Variants in SWT1 observed in about 807,000 individuals in gnomAD.
SWT1 encodes the protein transcriptional protein SWT1.
A neutral mutation model predicts 107.3 loss-of-function variants in SWT1; 33 were observed. The ratio of observed to expected loss-of-function variants is 0.31; its 90% CI spans 0.23 to 0.41. The LOEUF is 0.41. SWT1 is among the 10% of genes least tolerant of loss of function. The pLI is 1.00. For missense variants in SWT1, 898 were observed against 1,028.9 expected, an observed-to-expected ratio of 0.87 and a Z score of 1.74; for synonymous variants, 345 against 348.3, an observed-to-expected ratio of 0.99 and a Z score of 0.11.
chr1:185,282,040 TAGTC>T (rs2102772222), intron 18 of SWT1, among the ~76,000 whole-genome samples: 1 of 152,290 alleles, frequency 6.6e-6, no homozygotes, highest in Non-Finnish European at 1.5e-5. Context: ...GAGGATGTAA[TAGTC>T]AGCTCTGGCT....
intron 16 of SWT1, among the ~76,000 whole-genome samples, chr1:185,252,068 G>A (rs1385883222): frequency 6.6e-6 from 1 of 152,022 alleles, no homozygotes; most frequent in African/African-American, 2.4e-5. Context: ...TCTTGCGATA[G>A]TTTACTGAGA....
chr1:185,234,270 A>G (rs1008306667), intron 16 of SWT1, among the ~76,000 whole-genome samples: 1 of 152,162 alleles, frequency 6.6e-6, no homozygotes, highest in Non-Finnish European at 1.5e-5. Flanking sequence ...GTAGGTCTCT[A>G]AGAACTTGCT....
chr1:185,229,018 A>G (rs767916658), intron 15 of SWT1, among the ~76,000 whole-genome samples: 2 of 152,190 alleles, frequency 1.3e-5, no homozygotes, highest in African/African-American at 2.4e-5. Context: ...AAGCCATTGT[A>G]AGAATTTAGG....
At chr1:185,261,502 T>G (rs540042430) in intron 16 of SWT1, among the ~76,000 whole-genome samples, 3 of 152,128 alleles carry the variant, frequency 2.0e-5, no homozygotes, top group Non-Finnish European at 4.4e-5. Flanking sequence ...GCTTTTAATT[T>G]TTTAGGTGTA....
At chr1:185,227,285 C>T in intron 15 of SWT1, 2 of 751,064 alleles carry the variant, frequency 2.7e-6, no homozygotes, top group Admixed American at 1.7e-5. Context: ...AGGCACCTGG[C>T]TGACCATCGG....
intron 14 of SWT1, among the ~76,000 whole-genome samples, 144 bp from the exon 15 acceptor site, chr1:185,221,693 TGATGCTTTTCTG>T (rs1392740550): frequency 6.6e-6 from 1 of 152,216 alleles, no homozygotes; most frequent in Non-Finnish European, 1.5e-5. Flanking sequence ...TTTCTAGCTC[TGATGCTTTTCTG>T]GGAATATTAT....
intron 15 of SWT1, among the ~76,000 whole-genome samples, chr1:185,223,477 G>A (rs920159297): frequency 6.6e-6 from 1 of 152,042 alleles, no homozygotes; most frequent in Non-Finnish European, 1.5e-5. Context: ...CACCGCACCT[G>A]GCCAACACTT....
At chr1:185,269,535 ATG>A (rs1663697554) in intron 16 of SWT1, among the ~76,000 whole-genome samples, 1 of 152,146 alleles carries the variant, frequency 6.6e-6, no homozygotes, top group Non-Finnish European at 1.5e-5. Flanking sequence ...AAAACTATTT[ATG>A]AAAGCTCTCC....
intron 17 of SWT1, 90 bp downstream of exon 17, chr1:185,271,479 G>T: frequency 4.5e-6 from 3 of 664,846 alleles, no homozygotes; most frequent in South Asian, 3.6e-5. Flanking sequence ...CAAACATAGT[G>T]GAATGCTATT....
At chr1:185,175,245 CAG>C (rs1318636032) in intron 5 of SWT1, 132 bp downstream of exon 5, 5 of 816,692 alleles carry the variant, frequency 6.1e-6, no homozygotes, top group Non-Finnish European at 5.2e-6. Context: ...GTTTTTGAGA[CAG>C]GGTCTCACTC....
chr1:185,262,276 A>G lies in SWT1; in HGVS notation c.2442-9047A>G, dbSNP rs1236166538. The G allele has an allele frequency of 2.6e-5, 4 of 152,200 alleles. No individual in the cohort carries two copies. In the East Asian group the frequency reaches 7.7e-4, roughly 29 times the overall value. The allele number at this position is 152,200 out of a possible 1,614,324, so 9.4% of individuals were successfully genotyped here. A position where few individuals can be genotyped will look rare whatever the true frequency, so the allele number is the denominator to read the frequency against. On this transcript the variant is annotated intron_variant, in intron 16 of 18. Transcript: ENST00000367500. ...TCACAGGAGCCTCACTAAGTAGAAAAATGAACCCGTTTGTCATACTTGTTT... is the reference window on the plus strand; with the variant it reads ...TCACAGGAGCCTCACTAAGTAGAAAGATGAACCCGTTTGTCATACTTGTTT...
At chr1:185,206,524 A>T in intron 12 of SWT1, 101 bp from the exon 13 acceptor site, 2 of 605,298 alleles carry the variant, frequency 3.3e-6, no homozygotes, top group Non-Finnish European at 5.2e-6. Flanking sequence ...CCAACTAATT[A>T]TATTTTGCTC....
intron 17 of SWT1, among the ~76,000 whole-genome samples, chr1:185,274,238 G>A (rs1664083680): frequency 6.7e-6 from 1 of 148,372 alleles, no homozygotes; most frequent in Non-Finnish European, 1.5e-5. Flanking sequence ...AGAATCATAT[G>A]TTGTATATAT....
intron 6 of SWT1, 102 bp downstream of exon 6, chr1:185,180,552 TAAC>T (rs1655937511): frequency 6.2e-6 from 5 of 811,890 alleles, no homozygotes; most frequent in South Asian, 1.5e-5. Flanking sequence ...AATATGAAAA[TAAC>T]AATGATGTCT....
chr1:185,170,183 G>A (rs536197386), intron 4 of SWT1, among the ~76,000 whole-genome samples: 2 of 152,320 alleles, frequency 1.3e-5, no homozygotes, highest in South Asian at 4.1e-4. Flanking sequence ...GAAACCAACT[G>A]TAGGCAAGCT....
At chr1:185,178,553 G>C (rs909613491) in intron 5 of SWT1, among the ~76,000 whole-genome samples, 2 of 152,272 alleles carry the variant, frequency 1.3e-5, no homozygotes, top group South Asian at 4.1e-4. Context: ...AAGGCATGGT[G>C]GGGGAGGCAA....
intron 17 of SWT1, among the ~76,000 whole-genome samples, chr1:185,275,303 G>A (rs1481366440): frequency 6.6e-6 from 1 of 151,754 alleles, no homozygotes; most frequent in Non-Finnish European, 1.5e-5. Context: ...TTAGGAGAAG[G>A]CAGAACATGT....
intron 17 of SWT1, among the ~76,000 whole-genome samples, chr1:185,273,429 G>A (rs948243479): frequency 5.3e-5 from 8 of 151,016 alleles, no homozygotes; most frequent in South Asian, 2.1e-4. Context: ...TAGGCTGGGC[G>A]CGGTGGCTCA....
At chr1:185,272,674 T>A (rs1275060024) in intron 17 of SWT1, among the ~76,000 whole-genome samples, 1 of 152,196 alleles carries the variant, frequency 6.6e-6, no homozygotes, top group Non-Finnish European at 1.5e-5. Flanking sequence ...AGTAGGTAAA[T>A]TATTTGTATT....
Sources: allele counts gnomAD v4.1 joint callset (sites outside exome capture counted in the v4.1 genomes callset), GRCh38; gene constraint gnomAD v4.1.1; transcripts MANE v1.5; gene names NCBI Gene and HGNC (gene_info 2026-07-23, HGNC 2026-07-21).